Variants in PKHD1 observed in about 807,000 individuals in gnomAD.
PKHD1 encodes fibrocystin.
A neutral mutation model predicts 412.0 loss-of-function variants in PKHD1; 291 were observed. The observed-to-expected ratio is 0.71, with a 90% confidence interval of 0.64 to 0.78. The LOEUF is 0.78. Among genes scored for constraint, PKHD1 ranks in the 30% least tolerant of loss-of-function variants. The probability of loss-of-function intolerance (pLI) is 0.00; values close to 1 mark genes in which losing one functional copy is unlikely to be tolerated. For missense variants in PKHD1, 4,825 were observed against 4,950.7 expected, an observed-to-expected ratio of 0.97 and a Z score of 0.76; for synonymous variants, 1,777 against 1,821.5, an observed-to-expected ratio of 0.98 and a Z score of 0.62.
intron 37 of PKHD1, among the ~76,000 whole-genome samples, chr6:51,929,596 G>T (rs1308462299): frequency 6.6e-6 from 1 of 152,114 alleles, no homozygotes; most frequent in Non-Finnish European, 1.5e-5. Flanking sequence ...TTTATACCAT[G>T]CTTAAAGACA....
chr6:51,684,297 G>A (rs540231480), intron 60 of PKHD1, among the ~76,000 whole-genome samples: 21 of 152,168 alleles, frequency 1.4e-4, no homozygotes, highest in Admixed American at 1.4e-3. Context: ...CCTTCTTCAG[G>A]CTGAGATGTG....
intron 61 of PKHD1, among the ~76,000 whole-genome samples, chr6:51,650,517 C>T (rs1770770437): frequency 6.6e-6 from 1 of 152,064 alleles, no homozygotes; most frequent in Admixed American, 6.6e-5. Context: ...ATTCTATTTC[C>T]TAACCACCTC....
Position 51,659,344 on chromosome 6 carries a change from T to G in PKHD1, c.10782A>C (p.Gln3594His), listed in dbSNP as rs753618694. 9 of 1,613,882 alleles carry G rather than the reference T, an allele frequency of 5.6e-6. No individual in the cohort carries two copies. Among genetic ancestry groups the G allele is most frequent in the Non-Finnish European group, 7.6e-6 (9 of 1,179,908 alleles). ...CAGGCATCTCGTGAATAAACCTGAT[T>G]TGGTTTTGGCCAATCTGTAAGAAGT... ...LTNFLQIGQNQIRFIHEMPGH... is the reference protein window; with the variant it reads ...LTNFLQIGQNHIRFIHEMPGH... The change falls in exon 61 of 67, where the codon CAA (glutamine) becomes CAC (histidine). Residue 3594 changes from glutamine to histidine, a missense_variant. Transcript: ENST00000371117.
intron 36 of PKHD1, among the ~76,000 whole-genome samples, chr6:51,944,174 T>G (rs773485687): frequency 3.9e-5 from 6 of 152,058 alleles, no homozygotes; most frequent in Non-Finnish European, 5.9e-5. Context: ...GACATTACCT[T>G]GTGAAATTCC....
In PKHD1 at chr6:52,085,017, G is replaced by A; in HGVS notation, c.-84C>T. The A allele has an allele frequency of 1.0e-6, 1 of 953,504 alleles. No individual in the cohort carries two copies. The highest frequency in any genetic ancestry group is 1.7e-6 in the Non-Finnish European group (1 of 583,702). 59.1% of individuals were successfully genotyped at this position (953,504 alleles called of 1,614,324 possible). On this transcript the variant is annotated splice_region_variant and 5_prime_UTR_variant, in exon 2 of 67. Coordinates refer to ENST00000371117, the MANE Select transcript of PKHD1 (RefSeq NM_138694.4). Reference sequence around the variant, plus strand: ...TTGATTGGAGCAGCATAGCTTTTGTGCTTTATAAAAACAAAAAAAGCAAAA... The same window carrying A: ...TTGATTGGAGCAGCATAGCTTTTGTACTTTATAAAAACAAAAAAAGCAAAA...
At chr6:51,864,415 G>A (rs187880520) in intron 48 of PKHD1, among the ~76,000 whole-genome samples, 1 of 152,292 alleles carries the variant, frequency 6.6e-6, no homozygotes, top group East Asian at 1.9e-4. Flanking sequence ...CAGGTGAAAA[G>A]TAATGGTAGC....
chr6:52,073,114 G>C (rs1810868348), intron 7 of PKHD1, among the ~76,000 whole-genome samples: 1 of 152,284 alleles, frequency 6.6e-6, no homozygotes, highest in Non-Finnish European at 1.5e-5. Flanking sequence ...GTTATAATGG[G>C]CTTTTGGGTT....
intron 8 of PKHD1, among the ~76,000 whole-genome samples, chr6:52,071,723 T>C (rs1810639909): frequency 6.6e-6 from 1 of 152,200 alleles, no homozygotes; most frequent in African/African-American, 2.4e-5. Context: ...CCACTTGCTC[T>C]CTGTGAGACC....
intron 60 of PKHD1, among the ~76,000 whole-genome samples, chr6:51,732,246 G>GA (rs1366620466): frequency 3.3e-5 from 5 of 151,898 alleles, no homozygotes; most frequent in Non-Finnish European, 7.4e-5. Context: ...CCTAGATTTA[G>GA]AAAAAAATCA....
chr6:52,044,959 C>T lies in PKHD1; in HGVS notation c.2715+7G>A. Reference sequence around the variant, plus strand: ...GCTTGCACTTAGGGTGGCCCATTCACTCTCACCTGAGTATGCTGGTTGGCA... The same window carrying T: ...GCTTGCACTTAGGGTGGCCCATTCATTCTCACCTGAGTATGCTGGTTGGCA... On this transcript the variant is annotated splice_region_variant and intron_variant, in intron 25 of 66. Coordinates refer to ENST00000371117, the MANE Select transcript of PKHD1 (RefSeq NM_138694.4). 6.2e-7 allele frequency: 1 copy of T among 1,611,752 alleles called. No homozygotes were observed. Among genetic ancestry groups the T allele is most frequent in the South Asian group, 1.1e-5 (1 of 91,072 alleles).
At chr6:52,077,615 C>T (rs1388486982) in intron 5 of PKHD1, among the ~76,000 whole-genome samples, 1 of 152,196 alleles carries the variant, frequency 6.6e-6, no homozygotes, top group Non-Finnish European at 1.5e-5. Flanking sequence ...AATCAACAGA[C>T]ATTTCAACAA....
intron 33 of PKHD1, among the ~76,000 whole-genome samples, chr6:52,018,679 T>C (rs949880014): frequency 1.3e-5 from 2 of 152,032 alleles, no homozygotes; most frequent in Admixed American, 1.3e-4. Flanking sequence ...ACACCCCGGA[T>C]GATCTTTTGT....
intron 66 of PKHD1, among the ~76,000 whole-genome samples, chr6:51,621,659 C>G (rs1766634652): frequency 6.6e-6 from 1 of 152,122 alleles, no homozygotes; most frequent in South Asian, 2.1e-4. Flanking sequence ...CAATCAGCAA[C>G]ATACCTGACA....
intron 35 of PKHD1, among the ~76,000 whole-genome samples, chr6:51,962,362 T>C (rs955739265): frequency 6.6e-6 from 1 of 152,166 alleles, no homozygotes; most frequent in Non-Finnish European, 1.5e-5. Context: ...TATCCATTAA[T>C]TAATTTGAGA....
At chr6:51,832,215 T>A (rs1442616634) in intron 51 of PKHD1, among the ~76,000 whole-genome samples, 1 of 152,048 alleles carries the variant, frequency 6.6e-6, no homozygotes, top group Admixed American at 6.6e-5. Flanking sequence ...TGGTACCTGA[T>A]CACGAAAGGA....
At chr6:51,939,194 T>C (rs1373926450) in intron 36 of PKHD1, among the ~76,000 whole-genome samples, 1 of 150,640 alleles carries the variant, frequency 6.6e-6, no homozygotes, top group African/African-American at 2.4e-5. Context: ...TCTCTACCCC[T>C]TCTCCACTTT....
chr6:51,976,728 T>A (rs760521446), intron 35 of PKHD1, among the ~76,000 whole-genome samples: 20 of 152,120 alleles, frequency 1.3e-4, no homozygotes, highest in Non-Finnish European at 2.1e-4. Context: ...GGTGGGTGGA[T>A]CACAAGGCCA....
chr6:52,080,127 C>T, intron 4 of PKHD1, 119 bp from the exon 5 acceptor site: 11 of 716,152 alleles, frequency 1.5e-5, no homozygotes, highest in South Asian at 1.0e-4. Context: ...ACCAAGGATT[C>T]CCAGCAGTCA....
intron 59 of PKHD1, 99 bp from the exon 60 acceptor site, chr6:51,744,641 AG>A: frequency 4.4e-6 from 4 of 906,868 alleles, no homozygotes; most frequent in Middle Eastern, 2.9e-4. Context: ...TAAATTCAAC[AG>A]ATTTTTATTA....
Sources: allele counts gnomAD v4.1 joint callset (sites outside exome capture counted in the v4.1 genomes callset), GRCh38; gene constraint gnomAD v4.1.1; transcripts MANE v1.5; gene names NCBI Gene and HGNC (gene_info 2026-07-23, HGNC 2026-07-21).